Variants in SLC30A10 observed in about 807,000 individuals in gnomAD.
The protein encoded by SLC30A10 is solute carrier family 30 member 10, also known as calcium/manganese antiporter SLC30A10.
Under a neutral mutation model 21.7 loss-of-function variants are expected in SLC30A10, and 8 were observed. The ratio of observed to expected loss-of-function variants is 0.37; its 90% CI spans 0.22 to 0.67. The LOEUF (loss-of-function observed/expected upper bound fraction) is 0.67, where lower values mean the gene tolerates loss of function less well. Ranked by LOEUF, SLC30A10 falls within the 30% of genes least tolerant of loss-of-function variation. The pLI is 0.58. For missense variants in SLC30A10, 521 were observed against 642.5 expected (o/e 0.81, Z 2.04); for synonymous variants, 272 against 279.4 (o/e 0.97, Z 0.26).
At chr1:219,948,568 G>A (rs1660222789) in intron 1 of SLC30A10, among the ~76,000 whole-genome samples, 1 of 152,064 alleles carries the variant, frequency 6.6e-6, no homozygotes. Flanking sequence ...TATGTAGAAA[G>A]CTGAAACTGG....
intron 2 of SLC30A10, among the ~76,000 whole-genome samples, chr1:219,922,174 GTGTTTTTTTTTT>G (rs1659705475): frequency 3.0e-3 from 55 of 18,232 alleles, no homozygotes; most frequent in Non-Finnish European, 4.0e-3. Flanking sequence ...GTGTGTGTGT[GTGTTTTTTTTTT>G]TTTTTTTTTT....
rs1164535981 is a variant in SLC30A10 at position 219,925,632 on chromosome 1, C to CAT, written c.718+1394_718+1395dup. ...CTTAAAATTTATGTGTGTGTGTGTA[C>CAT]ATATATATATATATATATATTTTTT... On this transcript the variant is annotated intron_variant, in intron 2 of 3. Coordinates refer to ENST00000366926, the MANE Select transcript of SLC30A10 (RefSeq NM_018713.3). Among the ~76,000 whole-genome samples, 98 of 68,894 alleles carry CAT rather than the reference C, an allele frequency of 1.4e-3. 3 individuals are homozygous for CAT. Among genetic ancestry groups the CAT allele is most frequent in the East Asian group, 9.8e-3 (15 of 1,524 alleles). 45.2% of individuals were successfully genotyped at this position (68,894 alleles called of 152,430 possible).
At chr1:219,916,595 A>G (rs1659550613) in intron 3 of SLC30A10, among the ~76,000 whole-genome samples, 1 of 152,232 alleles carries the variant, frequency 6.6e-6, no homozygotes, top group Non-Finnish European at 1.5e-5. Context: ...GAAAATATTA[A>G]CAGTGGTAGT....
At chr1:219,920,962 A>G (rs1659662667) in intron 2 of SLC30A10, among the ~76,000 whole-genome samples, 1 of 152,152 alleles carries the variant, frequency 6.6e-6, no homozygotes, top group South Asian at 2.1e-4. Context: ...CCTTTTTCAT[A>G]CAAGACATCA....
intron 3 of SLC30A10, among the ~76,000 whole-genome samples, 194 bp from the exon 4 acceptor site, chr1:219,916,142 A>C (rs1266916861): frequency 6.6e-6 from 1 of 152,200 alleles, no homozygotes; most frequent in East Asian, 1.9e-4. Context: ...TTGTTAGTCC[A>C]CACAAAGTCA....
At chr1:219,940,814 C>T (rs952351610) in intron 1 of SLC30A10, among the ~76,000 whole-genome samples, 3 of 152,078 alleles carry the variant, frequency 2.0e-5, no homozygotes, top group Non-Finnish European at 4.4e-5. Flanking sequence ...AGGCCTGGGT[C>T]GATTTTTGGT....
At chr1:219,924,990 A>C (rs1659779805) in intron 2 of SLC30A10, among the ~76,000 whole-genome samples, 1 of 152,178 alleles carries the variant, frequency 6.6e-6, no homozygotes, top group South Asian at 2.1e-4. Context: ...CAGCCACCGC[A>C]CTATTCACCT....
intron 1 of SLC30A10, among the ~76,000 whole-genome samples, chr1:219,954,159 C>T (rs564884195): frequency 1.3e-5 from 2 of 151,948 alleles, no homozygotes; most frequent in Non-Finnish European, 1.5e-5. Flanking sequence ...TCAGCGGCTA[C>T]AGGACTGTCC....
In SLC30A10 at chr1:219,918,727, G is replaced by A; in HGVS notation, c.719-233C>T. 2.3e-6 allele frequency: 1 copy of A among 426,174 alleles called. No homozygotes were observed. Among genetic ancestry groups the A allele is most frequent in the Non-Finnish European group, 4.1e-6 (1 of 246,268 alleles). 26.4% of individuals were successfully genotyped at this position (426,174 alleles called of 1,614,324 possible). A position where few individuals can be genotyped will look rare whatever the true frequency, so the allele number is the denominator to read the frequency against. On this transcript the variant is annotated intron_variant, in intron 2 of 3. Coordinates refer to ENST00000366926, the MANE Select transcript of SLC30A10 (RefSeq NM_018713.3). The surrounding 1 kb of genome is among the most constrained non-coding windows in gnomAD (Gnocchi z 4.4). ...CCTTGGAAGAGCAACAGCCTAGGAA[G>A]ATTCTGACCTGCAGGAAGAGCGACT...
intron 2 of SLC30A10, among the ~76,000 whole-genome samples, chr1:219,925,651 A>ATATATATATATGTTTTT (rs1317554458): frequency 2.1e-5 from 1 of 48,284 alleles, no homozygotes; most frequent in African/African-American, 1.2e-4. Context: ...ATATATATAT[A>ATATATATATATGTTTTT]TTTTTTTTTT....
intron 2 of SLC30A10, among the ~76,000 whole-genome samples, chr1:219,921,622 C>T (rs1659677444): frequency 6.6e-6 from 1 of 152,120 alleles, no homozygotes; most frequent in Admixed American, 6.6e-5. Flanking sequence ...AAGCAAAACT[C>T]ATCCTTATAT....
rs1659475488 is a variant in SLC30A10 at position 219,914,050 on chromosome 1, C to G, written c.*1399G>C. On this transcript the variant is annotated 3_prime_UTR_variant, in exon 4 of 4. Coordinates refer to ENST00000366926, the MANE Select transcript of SLC30A10 (RefSeq NM_018713.3). ...TGTGGATGCTGCCTTCATTATCAAC[C>G]CAGCACCTCTGAAAAACCCTGTGCA... The G allele has an allele frequency of 6.6e-6, 1 of 151,920 alleles. No homozygotes were observed. Among genetic ancestry groups the G allele is most frequent in the South Asian group, 2.1e-4 (1 of 4,818 alleles). The allele number at this position is 151,920 out of a possible 1,614,324, so 9.4% of individuals were successfully genotyped here. A position where few individuals can be genotyped will look rare whatever the true frequency, so the allele number is the denominator to read the frequency against.
Position 219,940,405 on chromosome 1 carries a change from C to T in SLC30A10, n.81-13300G>A, listed in dbSNP as rs887898785. ...TCTTCCCAGCTGAGGCCTCAGACAT[C>T]GTGGAAGCACACAGCCTGTTCCCAC... is the stretch of plus-strand genomic sequence containing the variant. On this transcript the variant is annotated intron_variant and non_coding_transcript_variant, in intron 1 of 8. Coordinates refer to the SLC30A10 transcript ENST00000484239. Among the ~76,000 whole-genome samples the T allele has an allele frequency of 2.0e-5, 3 of 152,280 alleles. No homozygotes were observed. In the South Asian group the frequency reaches 6.2e-4, roughly 32 times the overall value.
upstream of SLC30A10, among the ~76,000 whole-genome samples, chr1:219,929,671 GC>G (rs1228441137): frequency 6.6e-6 from 1 of 152,020 alleles, no homozygotes; most frequent in Non-Finnish European, 1.5e-5. Flanking sequence ...CAGGCACCAT[GC>G]CCGGCTAATT....
At position 219,928,412 on chromosome 1, in the gene SLC30A10, C is replaced by T. The variant is rs532451781; in HGVS notation, c.29G>A (p.Arg10Gln). 1.9e-6 allele frequency: 3 copies of T among 1,612,800 alleles called. No homozygotes were observed. The highest frequency in any genetic ancestry group is 2.2e-5 in the East Asian group (1 of 44,812). The stretch of plus-strand genomic sequence containing the variant: ...GGTGAGCACCAGCATGAAGAGCAGC[C>T]GGCACGTCTTGCCAGAGTAGCGGCC... MGRYSGKTC[R>Q]LLFMLVLTVA... The change falls in exon 1 of 4, where the codon CGG becomes CAG. Residue 10 changes from arginine (R) to glutamine (Q), a missense_variant. Coordinates refer to ENST00000366926, the MANE Select transcript of SLC30A10 (RefSeq NM_018713.3). The surrounding 1 kb of genome is among the most constrained non-coding windows in gnomAD (Gnocchi z 6.3).
chr1:219,921,837 A>G (rs1363978990), intron 2 of SLC30A10, among the ~76,000 whole-genome samples: 1 of 151,592 alleles, frequency 6.6e-6, no homozygotes, highest in Non-Finnish European at 1.5e-5. Context: ...ACCATTAACT[A>G]CAGTGCACTG....
chr1:219,917,201 G>A (rs1444882102), intron 3 of SLC30A10, among the ~76,000 whole-genome samples: 1 of 151,772 alleles, frequency 6.6e-6, no homozygotes, highest in East Asian at 1.9e-4. Context: ...ATGTTGCCCA[G>A]GCTGGTCTTG....
intron 1 of SLC30A10, among the ~76,000 whole-genome samples, chr1:219,945,626 A>G (rs1660176891): frequency 6.6e-6 from 1 of 152,236 alleles, no homozygotes; most frequent in South Asian, 2.1e-4. Context: ...TCTAATTAGC[A>G]TTGCAGAAGG....
Position 219,911,169 on chromosome 1 carries a change from T to TTTTTTG in SLC30A10, c.*4274_*4279dup. Among the ~76,000 whole-genome samples, 1 of 132,612 alleles carries TTTTTTG rather than the reference T, an allele frequency of 7.5e-6. No homozygotes were observed. Among genetic ancestry groups the TTTTTTG allele is most frequent in the Non-Finnish European group, 1.6e-5 (1 of 63,540 alleles). 87.0% of individuals were successfully genotyped at this position (132,612 alleles called of 152,430 possible). On this transcript the variant is annotated 3_prime_UTR_variant, in exon 4 of 4. Coordinates refer to ENST00000366926, the MANE Select transcript of SLC30A10 (RefSeq NM_018713.3). ...CATCAGTTTTTTTTTTTTTTTTTTT[T>TTTTTTG]TTTTTGCAGTCTTTTACTACAGGAA...
Sources: allele counts gnomAD v4.1 joint callset (sites outside exome capture counted in the v4.1 genomes callset), GRCh38; gene constraint gnomAD v4.1.1; non-coding constraint Gnocchi (gnomAD v3.1); transcripts MANE v1.5; gene names NCBI Gene and HGNC (gene_info 2026-07-23, HGNC 2026-07-21).